GYPE: variants seen among roughly 807,000 people sequenced by gnomAD.
GYPE encodes glycophorin E (MNS blood group), also known as glycophorin-E.
A neutral mutation model predicts 11.6 loss-of-function variants in GYPE; 8 were observed. That is an observed-to-expected ratio of 0.69 (90% CI 0.41 to 1.25). The LOEUF (loss-of-function observed/expected upper bound fraction) is 1.25. Among genes scored for constraint, GYPE ranks in the 50% most tolerant of loss-of-function variants. The probability of loss-of-function intolerance (pLI) is 0.01; values close to 1 mark genes in which losing one functional copy is unlikely to be tolerated. For missense variants in GYPE, 90 were observed against 92.8 expected, an observed-to-expected ratio of 0.97 and a Z score of 0.12; for synonymous variants, 28 against 29.6, an observed-to-expected ratio of 0.94 and a Z score of 0.18.
intron 2 of GYPE, among the ~76,000 whole-genome samples, chr4:143,879,946 C>G (rs1472303506): frequency 6.6e-6 from 1 of 151,042 alleles, no homozygotes; most frequent in Admixed American, 6.6e-5. Flanking sequence ...TTAGACACTT[C>G]TTCTTATTTA....
At chr4:143,874,588 C>T (rs532210508) in intron 3 of GYPE, among the ~76,000 whole-genome samples, 10 of 152,336 alleles carry the variant, frequency 6.6e-5, no homozygotes, top group Admixed American at 6.5e-5. Flanking sequence ...GCTCTACGTC[C>T]TGTTTTTAGG....
At chr4:143,897,579 G>T (rs142028240) in intron 1 of GYPE, among the ~76,000 whole-genome samples, 2 of 152,330 alleles carry the variant, frequency 1.3e-5, no homozygotes, top group Non-Finnish European at 2.9e-5. Context: ...GTGTGTGTGA[G>T]TCTGTGTGCT....
At chr4:143,895,172 A>G (rs1462482655) in intron 1 of GYPE, among the ~76,000 whole-genome samples, 1 of 152,256 alleles carries the variant, frequency 6.6e-6, no homozygotes, top group South Asian at 2.1e-4. Context: ...TAGGCAGGAG[A>G]ACGAAATAAA....
At chr4:143,899,222 C>A (rs573328523) in intron 1 of GYPE, among the ~76,000 whole-genome samples, 8 of 149,256 alleles carry the variant, frequency 5.4e-5, no homozygotes, top group African/African-American at 1.7e-4. Flanking sequence ...GTAAGAGTAA[C>A]GGAGCCAATC....
Position 143,880,141 on chromosome 4 carries a change from T to A in GYPE, c.136+270A>T, listed in dbSNP as rs189313514. Among the ~76,000 whole-genome samples the A allele has an allele frequency of 6.9e-3, 1,055 of 152,322 alleles. 7 individuals are homozygous for A. Among genetic ancestry groups the A allele is most frequent in the African/African-American group, 0.024 (980 of 41,560 alleles). On this transcript the variant is annotated intron_variant, in intron 2 of 3. Coordinates refer to ENST00000358615, the MANE Select transcript of GYPE (RefSeq NM_198682.3). ...CCACCGCACTATTAGGTCCCCTTTA[T>A]CTGGCCCACTATTTCATGGTCACGT...
chr4:143,872,485 C>G (rs34051784), intron 3 of GYPE, among the ~76,000 whole-genome samples: 26,427 of 151,588 alleles, frequency 0.17, 2,728 homozygotes, highest in Middle Eastern at 0.29. Flanking sequence ...AATAAAGAGG[C>G]TAGTCCTGGG....
chr4:143,880,080 C>T (rs1743966277), intron 2 of GYPE, among the ~76,000 whole-genome samples: 1 of 152,242 alleles, frequency 6.6e-6, no homozygotes, highest in Non-Finnish European at 1.5e-5. Context: ...GAGCCCGGGT[C>T]TGAGCTGAAC....
chr4:143,896,242 T>G (rs1310327635), intron 1 of GYPE, among the ~76,000 whole-genome samples: 1 of 152,062 alleles, frequency 6.6e-6, no homozygotes, highest in African/African-American at 2.4e-5. Context: ...GGGAGAACAT[T>G]TTTGCAACCT....
intron 1 of GYPE, among the ~76,000 whole-genome samples, chr4:143,900,103 A>G (rs1744804097): frequency 6.6e-6 from 1 of 151,706 alleles, no homozygotes; most frequent in Non-Finnish European, 1.5e-5. Flanking sequence ...AGCAACAGAA[A>G]GACAAAAATA....
chr4:143,878,531 C>T (rs1311590956), intron 2 of GYPE: 1 of 414,724 alleles, frequency 2.4e-6, no homozygotes, highest in African/African-American at 2.2e-5. Context: ...AAGTTAACAA[C>T]ATATGCTCTT....
intron 2 of GYPE, among the ~76,000 whole-genome samples, chr4:143,879,323 T>A (rs1578955846): frequency 1.3e-5 from 2 of 152,326 alleles, no homozygotes; most frequent in East Asian, 3.9e-4. Flanking sequence ...CACACAATTT[T>A]CTAGAGTTTA....
chr4:143,888,137 C>T (rs1178811915), intron 1 of GYPE, among the ~76,000 whole-genome samples: 2 of 95,154 alleles, frequency 2.1e-5, no homozygotes, highest in African/African-American at 3.8e-5. Context: ...GTTAGGATAA[C>T]GACTGGAAAT....
intron 1 of GYPE, among the ~76,000 whole-genome samples, chr4:143,905,022 G>A (rs918000379): frequency 1.4e-4 from 21 of 151,532 alleles, no homozygotes; most frequent in African/African-American, 4.1e-4. Context: ...AACTCCCCAC[G>A]GTTTCAGTGT....
chr4:143,873,795 T>C (rs1743695447), intron 3 of GYPE, among the ~76,000 whole-genome samples: 1 of 152,078 alleles, frequency 6.6e-6, no homozygotes, highest in African/African-American at 2.4e-5. Context: ...GCAGATAAGT[T>C]CATGACCAAG....
intron 1 of GYPE, among the ~76,000 whole-genome samples, chr4:143,903,805 TA>T (rs11343544): frequency 0.95 from 143,427 of 150,716 alleles, 68,559 homozygotes; most frequent in East Asian, 1. Flanking sequence ...TTGTAGAAAT[TA>T]AAAAAAAAAA....
At chr4:143,904,422 G>A (rs1255560746) in intron 1 of GYPE, among the ~76,000 whole-genome samples, 1 of 151,984 alleles carries the variant, frequency 6.6e-6, no homozygotes, top group Non-Finnish European at 1.5e-5. Context: ...ACATAAAAAT[G>A]TGGGCACATA....
At chr4:143,896,514 C>T in intron 1 of GYPE, among the ~76,000 whole-genome samples, 1 of 152,256 alleles carries the variant, frequency 6.6e-6, no homozygotes, top group Admixed American at 6.5e-5. Context: ...ACAACAGGTG[C>T]TGGAGAGGAT....
chr4:143,875,586 G>C (rs1743765091), intron 3 of GYPE: 1 of 1,546,638 alleles, frequency 6.5e-7, no homozygotes, highest in Admixed American at 2.0e-5. Flanking sequence ...GCCTCTGATT[G>C]GTCACAGGCC....
At chr4:143,877,458 T>C (rs1378893872) in intron 2 of GYPE, among the ~76,000 whole-genome samples, 1 of 152,166 alleles carries the variant, frequency 6.6e-6, no homozygotes, top group Non-Finnish European at 1.5e-5. Context: ...TCCAATATAG[T>C]CAATAAAAAT....
Sources: gnomAD v4.1 joint callset for allele counts (sites outside exome capture counted in the v4.1 genomes callset) on GRCh38, gnomAD v4.1.1 for gene constraint, MANE v1.5 for transcripts, NCBI Gene and HGNC (gene_info 2026-07-23, HGNC 2026-07-21) for gene names.